EPHA5: variants seen among roughly 807,000 people sequenced by gnomAD.
EPHA5 encodes the protein EPH receptor A5, also known as ephrin type-A receptor 5.
EPHA5 carries 60 observed loss-of-function variants against 105.0 expected under a neutral mutation model. The observed-to-expected ratio is 0.57, with a 90% CI of 0.46 to 0.71. The LOEUF is 0.71. Among genes scored for constraint, EPHA5 ranks in the 30% least tolerant of loss-of-function variants. EPHA5 has a pLI of 0.00. For missense variants in EPHA5, 1,218 were observed against 1,274.7 expected, an observed-to-expected ratio of 0.96 and a Z score of 0.68; for synonymous variants, 513 against 449.1, an observed-to-expected ratio of 1.14 and a Z score of -1.80.
At chr4:65,598,428 A>T (rs1743390279) in intron 3 of EPHA5, among the ~76,000 whole-genome samples, 1 of 152,198 alleles carries the variant, frequency 6.6e-6, no homozygotes, top group South Asian at 2.1e-4. Context: ...ACCTTTGCAG[A>T]TTTTCTTTCC....
chr4:65,472,470 T>C (rs1729384118), intron 5 of EPHA5, among the ~76,000 whole-genome samples: 1 of 152,204 alleles, frequency 6.6e-6, no homozygotes, highest in South Asian at 2.1e-4. Context: ...ATGAGGGTTC[T>C]GCCCTTACAG....
At chr4:65,424,536 A>T (rs756519109) in intron 5 of EPHA5, among the ~76,000 whole-genome samples, 8 of 152,122 alleles carry the variant, frequency 5.3e-5, no homozygotes, top group Non-Finnish European at 1.0e-4. Flanking sequence ...GGTGGGTGCC[A>T]AATAAATACT....
intron 2 of EPHA5, among the ~76,000 whole-genome samples, chr4:65,640,563 G>A (rs1747573433): frequency 1.3e-5 from 2 of 152,160 alleles, no homozygotes; most frequent in South Asian, 2.1e-4. Flanking sequence ...TGGGATTACA[G>A]GCGTGAGCCA....
intron 1 of EPHA5, among the ~76,000 whole-genome samples, chr4:65,649,259 C>T (rs1433970516): frequency 6.6e-6 from 1 of 152,196 alleles, no homozygotes; most frequent in Non-Finnish European, 1.5e-5. Flanking sequence ...CTTATTGTTT[C>T]CTGCAGCCAA....
intron 5 of EPHA5, among the ~76,000 whole-genome samples, chr4:65,431,711 A>G (rs1215316937): frequency 6.6e-6 from 1 of 152,182 alleles, no homozygotes; most frequent in African/African-American, 2.4e-5. Flanking sequence ...ACAGCTGGGA[A>G]TATTAAAAAT....
intron 3 of EPHA5, among the ~76,000 whole-genome samples, chr4:65,508,878 C>T (rs1411076762): frequency 6.6e-6 from 1 of 152,052 alleles, no homozygotes; most frequent in East Asian, 1.9e-4. Flanking sequence ...ATATCTGTAT[C>T]TATGAATATA....
chr4:65,596,445 GA>G (rs1447565082), intron 3 of EPHA5, among the ~76,000 whole-genome samples: 1 of 151,728 alleles, frequency 6.6e-6, no homozygotes, highest in African/African-American at 2.4e-5. Context: ...CTCCAGTGCT[GA>G]AAAACCTTGA....
At chr4:65,380,443 C>CCTTG (rs1260250807) in intron 8 of EPHA5, among the ~76,000 whole-genome samples, 1 of 151,764 alleles carries the variant, frequency 6.6e-6, no homozygotes, top group East Asian at 2.0e-4. Context: ...ATGATAACCT[C>CCTTG]CTTCCTATGG....
At chr4:65,464,370 T>C (rs915893522) in intron 5 of EPHA5, among the ~76,000 whole-genome samples, 1 of 152,076 alleles carries the variant, frequency 6.6e-6, no homozygotes, top group Non-Finnish European at 1.5e-5. Flanking sequence ...AGATATGTGA[T>C]ACTTGGCTCA....
At chr4:65,599,539 C>T (rs567109888) in intron 3 of EPHA5, among the ~76,000 whole-genome samples, 3 of 152,144 alleles carry the variant, frequency 2.0e-5, no homozygotes, top group Non-Finnish European at 2.9e-5. Flanking sequence ...TCCTAGAGTG[C>T]CATCACATAC....
chr4:65,473,850 G>A (rs908507685), intron 5 of EPHA5, among the ~76,000 whole-genome samples: 3 of 148,924 alleles, frequency 2.0e-5, no homozygotes, highest in Admixed American at 2.0e-4. Context: ...TTTCCCATTA[G>A]TAGTCCTCAT....
chr4:65,513,069 A>T (rs1394529979), intron 3 of EPHA5, among the ~76,000 whole-genome samples: 1 of 152,174 alleles, frequency 6.6e-6, no homozygotes, highest in Non-Finnish European at 1.5e-5. Context: ...TGGTTTGGAC[A>T]ATTGAAGTAA....
At chr4:65,474,872 C>T (rs537206459) in intron 5 of EPHA5, among the ~76,000 whole-genome samples, 1 of 152,018 alleles carries the variant, frequency 6.6e-6, no homozygotes, top group Non-Finnish European at 1.5e-5. Flanking sequence ...CAATAAAGAT[C>T]GATTATGCTG....
chr4:65,428,184 T>C (rs1724633091), intron 5 of EPHA5, among the ~76,000 whole-genome samples: 1 of 152,076 alleles, frequency 6.6e-6, no homozygotes, highest in African/African-American at 2.4e-5. Flanking sequence ...CTAAAGTAAA[T>C]GAGAATTGCA....
At chr4:65,569,878 T>G (rs1739941396) in intron 3 of EPHA5, among the ~76,000 whole-genome samples, 1 of 151,738 alleles carries the variant, frequency 6.6e-6, no homozygotes, top group Non-Finnish European at 1.5e-5. Flanking sequence ...ATAAAAGTCA[T>G]CTAGAGTTCA....
At chr4:65,660,038 G>A (rs9999661) in intron 1 of EPHA5, among the ~76,000 whole-genome samples, 89,019 of 151,794 alleles carry the variant, frequency 0.59, 26,251 homozygotes, top group Middle Eastern at 0.68. Flanking sequence ...TTTCTATACA[G>A]ACTCTACATA....
intron 11 of EPHA5, among the ~76,000 whole-genome samples, chr4:65,358,802 G>A (rs781346366): frequency 1.1e-4 from 16 of 151,516 alleles, no homozygotes; most frequent in Non-Finnish European, 2.2e-4. Context: ...ACCTGAGACA[G>A]GAGCATGGAA....
rs111388222 is a variant in EPHA5 at position 65,389,471 on chromosome 4, G to T, written c.1793+14903C>A. ...AATATTTCTCCATATTTTGAAACAG[G>T]TTTCTCTTTGTATTAAACACTAAGG... On this transcript the variant is annotated intron_variant, in intron 8 of 16. Transcript: ENST00000613740. 2.6e-5 allele frequency among the ~76,000 whole-genome samples: 4 copies of T among 151,672 alleles called. 1 individual carries two copies. Among genetic ancestry groups the T allele is most frequent in the Admixed American group, 2.0e-4 (3 of 15,180 alleles).
At chr4:65,557,002 T>C (rs918360422) in intron 3 of EPHA5, among the ~76,000 whole-genome samples, 5 of 151,908 alleles carry the variant, frequency 3.3e-5, no homozygotes, top group East Asian at 1.9e-4. Context: ...CTGTTTGTCC[T>C]TTATTCGGAC....
Sources: allele counts gnomAD v4.1 joint callset (sites outside exome capture counted in the v4.1 genomes callset), GRCh38; gene constraint gnomAD v4.1.1; transcripts MANE v1.5; gene names NCBI Gene and HGNC (gene_info 2026-07-23, HGNC 2026-07-21).